The following C11orf65 variants were observed in gnomAD, a reference collection of about 807,000 sequenced individuals.
The protein encoded by C11orf65 is protein MFI.
Under a neutral mutation model 35.3 loss-of-function variants are expected in C11orf65, and 38 were observed. That is an observed-to-expected ratio of 1.08 (90% CI 0.83 to 1.41). C11orf65 has a LOEUF of 1.41. Among genes scored for constraint, C11orf65 ranks in the 40% most tolerant of loss-of-function variants. The pLI is 0.00. For missense variants in C11orf65, 370 were observed against 367.1 expected, an observed-to-expected ratio of 1.01 and a Z score of -0.06; for synonymous variants, 105 against 114.4, an observed-to-expected ratio of 0.92 and a Z score of 0.53.
chr11:108,406,420 C>T (rs1431899237), intron 5 of C11orf65, among the ~76,000 whole-genome samples: 1 of 152,080 alleles, frequency 6.6e-6, no homozygotes, highest in African/African-American at 2.4e-5. Context: ...GGATTACAGG[C>T]ATGAGCCACA....
chr11:108,421,268 C>A, intron 3 of C11orf65, among the ~76,000 whole-genome samples: 1 of 152,218 alleles, frequency 6.6e-6, no homozygotes, highest in East Asian at 1.9e-4. Context: ...GATTTTAAAT[C>A]CTATAAGCTG....
At chr11:108,341,908 G>A (rs1181167351) in intron 2 of C11orf65, among the ~76,000 whole-genome samples, 12 of 152,232 alleles carry the variant, frequency 7.9e-5, no homozygotes, top group Non-Finnish European at 1.8e-4. Flanking sequence ...ATAGTTATTT[G>A]GCAATATCTG....
Position 108,324,479 on chromosome 11 carries a change from G to A in C11orf65, c.641-15408C>T, listed in dbSNP as rs908163006. ...TATCAGTAGATATGGTCCAACGATC[G>A]AAAGTTCTTTGGGGTCTTCAATAAT... On this transcript the variant is annotated intron_variant, in intron 6 of 6. Transcript: ENST00000525729. 3.3e-5 allele frequency among the ~76,000 whole-genome samples: 5 copies of A among 152,008 alleles called. No homozygotes were observed. The South Asian group carries it at 6.2e-4, about 19-fold the overall frequency.
chr11:108,468,915 A>T (rs75374443), upstream of C11orf65, among the ~76,000 whole-genome samples: 1 of 152,044 alleles, frequency 6.6e-6, no homozygotes, highest in South Asian at 2.1e-4. Context: ...ACCAGCCTGG[A>T]CAACATGGTG....
At chr11:108,310,305 C>A in intron 6 of C11orf65, 1 of 1,612,804 alleles carries the variant, frequency 6.2e-7, no homozygotes, top group South Asian at 1.1e-5. Flanking sequence ...TATGGATGAT[C>A]AAGAGAAAAG....
At chr11:108,448,585 C>T (rs190253495) in intron 2 of C11orf65, among the ~76,000 whole-genome samples, 1 of 152,268 alleles carries the variant, frequency 6.6e-6, no homozygotes, top group African/African-American at 2.4e-5. Flanking sequence ...AATTCAACAA[C>T]CCTTCATGCT....
chr11:108,430,897 AACACACAC>A (rs10588668), intron 3 of C11orf65, among the ~76,000 whole-genome samples: 24,330 of 143,498 alleles, frequency 0.17, 2,467 homozygotes, highest in East Asian at 0.39. Flanking sequence ...AAGGATAGGG[AACACACAC>A]ACACACACAC....
chr11:108,358,614 A>C (rs2090331353), intron 2 of C11orf65, among the ~76,000 whole-genome samples: 1 of 135,104 alleles, frequency 7.4e-6, no homozygotes, highest in Non-Finnish European at 1.6e-5. Context: ...AAACCCTACA[A>C]GCCAGAAGAG....
intron 2 of C11orf65, chr11:108,367,371 T>G (rs1293539138): frequency 1.0e-5 from 2 of 191,158 alleles, no homozygotes; most frequent in African/African-American, 4.7e-5. Flanking sequence ...CTACATTTTA[T>G]CCAGCATTTC....
intron 3 of C11orf65, among the ~76,000 whole-genome samples, chr11:108,407,561 A>C (rs1405310606): frequency 3.4e-5 from 5 of 147,194 alleles, no homozygotes; most frequent in Non-Finnish European, 7.4e-5. Context: ...CTCAAGTGAT[A>C]CTCCTGTCTT....
At chr11:108,430,700 C>T (rs1354818743) in intron 3 of C11orf65, among the ~76,000 whole-genome samples, 1 of 151,864 alleles carries the variant, frequency 6.6e-6, no homozygotes. Flanking sequence ...AAAAAATTAG[C>T]TGGACGCGGT....
intron 6 of C11orf65, chr11:108,326,006 T>C (rs373242949): frequency 1.4e-4 from 218 of 1,579,450 alleles, no homozygotes; most frequent in Middle Eastern, 3.4e-4. Context: ...TTATTCATGG[T>C]AGTAGTATCA....
chr11:108,445,993 C>T (rs200439093), intron 2 of C11orf65, among the ~76,000 whole-genome samples: 19 of 151,844 alleles, frequency 1.3e-4, no homozygotes, highest in Middle Eastern at 3.4e-3. Context: ...CCTCAGGAGC[C>T]GACGCGATCA....
chr11:108,371,658 G>A (rs1177514858), intron 2 of C11orf65, among the ~76,000 whole-genome samples: 1 of 152,120 alleles, frequency 6.6e-6, no homozygotes, highest in East Asian at 1.9e-4. Context: ...GGATACTAGA[G>A]TTGTCTCTAC....
downstream of C11orf65, among the ~76,000 whole-genome samples, chr11:108,381,937 TC>T (rs1565626798): frequency 8.8e-5 from 3 of 34,006 alleles, no homozygotes; most frequent in Non-Finnish European, 2.3e-4. Context: ...TCCTCCTTGC[TC>T]TCTCTCTCTC....
chr11:108,422,289 T>C (rs1210501233), intron 3 of C11orf65, among the ~76,000 whole-genome samples: 1 of 152,182 alleles, frequency 6.6e-6, no homozygotes, highest in African/African-American at 2.4e-5. Flanking sequence ...TTTATTTTGG[T>C]GTGGAAATTG....
intron 2 of C11orf65, chr11:108,336,168 T>C (rs1591201100): frequency 6.2e-6 from 3 of 482,370 alleles, no homozygotes; most frequent in South Asian, 4.2e-5. Flanking sequence ...CCAGAGATGA[T>C]GGCATGTGCT....
At chr11:108,450,055 G>A (rs953688371) in intron 2 of C11orf65, among the ~76,000 whole-genome samples, 5 of 152,154 alleles carry the variant, frequency 3.3e-5, no homozygotes, top group African/African-American at 4.8e-5. Context: ...CTGGCTGTCA[G>A]AGAAATGCAA....
Position 108,361,319 on chromosome 11 carries a change from C to T in C11orf65, c.227-26027G>A, listed in dbSNP as rs2090719874. Among the ~76,000 whole-genome samples, 5 of 144,384 alleles carry T rather than the reference C, an allele frequency of 3.5e-5. 1 individual carries two copies. The South Asian group carries it at 1.2e-3, about 34-fold the overall frequency. The allele number at this position is 144,384 out of a possible 152,430, so 94.7% of individuals were successfully genotyped here. A position where few individuals can be genotyped will look rare whatever the true frequency, so the allele number is the denominator to read the frequency against. On this transcript the variant is annotated intron_variant, in intron 2 of 3. Transcript: ENST00000524755. ...AAGAGGATACAAACAAATGGAAGAACATTCCATGCTCATGGGTAGGAAGAA... is the reference window on the plus strand; with the variant it reads ...AAGAGGATACAAACAAATGGAAGAATATTCCATGCTCATGGGTAGGAAGAA...
Sources: gnomAD v4.1 joint callset for allele counts (sites outside exome capture counted in the v4.1 genomes callset) on GRCh38, gnomAD v4.1.1 for gene constraint, MANE v1.5 for transcripts, NCBI Gene and HGNC (gene_info 2026-07-23, HGNC 2026-07-21) for gene names.